The following MSN variants were observed in gnomAD, a reference collection of about 807,000 sequenced individuals.
The protein encoded by MSN is moesin.
A neutral mutation model predicts 48.0 loss-of-function variants in MSN; 2 were observed. The ratio of observed to expected loss-of-function variants is 0.04; its 90% CI spans 0.02 to 0.13. MSN has a LOEUF of 0.13. MSN is among the 10% of genes least tolerant of loss of function. MSN has a pLI of 1.00. For synonymous variants in MSN, 146 were observed against 166.9 expected, an observed-to-expected ratio of 0.87 and a Z score of 0.97; for missense variants, 267 against 470.1, an observed-to-expected ratio of 0.57 and a Z score of 3.99.
At chrX:65,727,207 C>T (rs925605853) in intron 2 of MSN, among the ~76,000 whole-genome samples, 2 of 111,875 alleles carry the variant, frequency 1.8e-5, no homozygotes, top group Non-Finnish European at 3.8e-5. Context: ...GTAAATGGAA[C>T]TCAGTCTTAA....
intron 1 of MSN, among the ~76,000 whole-genome samples, chrX:65,709,108 C>T (rs1328830175): frequency 1.8e-5 from 2 of 112,235 alleles, no homozygotes; most frequent in Admixed American, 9.5e-5. Context: ...TGTAGTGATG[C>T]AGTAAACACG....
rs553041512 is a variant in MSN at position 65,695,739 on chromosome X, T to A, written c.13-21079T>A. ...GTCTTCAGGGATTTCTGTCTCTGATTGTGGCCCATCTCCCCCAAATCTATG... is the reference window on the plus strand; with the variant it reads ...GTCTTCAGGGATTTCTGTCTCTGATAGTGGCCCATCTCCCCCAAATCTATG... On this transcript the variant is annotated intron_variant, in intron 1 of 12. Coordinates refer to ENST00000360270, the MANE Select transcript of MSN (RefSeq NM_002444.3). Among the ~76,000 whole-genome samples the A allele has an allele frequency of 3.6e-4, 40 of 110,685 alleles. No individual in the cohort carries two copies. The East Asian group carries it at 4.5e-3, about 13-fold the overall frequency.
At chrX:65,593,027 A>C (rs1320726266) in intron 1 of MSN, among the ~76,000 whole-genome samples, 1 of 111,602 alleles carries the variant, frequency 9.0e-6, no homozygotes, top group Non-Finnish European at 1.9e-5. Context: ...GGAGACAGAG[A>C]GGGACTCCAT....
chrX:65,667,611 C>T, upstream of MSN: 2 of 948,900 alleles, frequency 2.1e-6, no homozygotes, highest in South Asian at 9.0e-5. Context: ...GGGAGCGGCG[C>T]GGAAGCCGGG....
chrX:65,590,598 C>CA (rs1032452828), intron 1 of MSN, among the ~76,000 whole-genome samples: 13 of 111,471 alleles, frequency 1.2e-4, no homozygotes, highest in Non-Finnish European at 1.5e-4. Context: ...GGGCATCCCT[C>CA]AAAAAGGGAA....
chrX:65,621,377 A>G (rs767822346), intron 1 of MSN, among the ~76,000 whole-genome samples: 4 of 112,292 alleles, frequency 3.6e-5, no homozygotes, highest in Non-Finnish European at 7.5e-5. Flanking sequence ...TCTTTCCCCC[A>G]GTGAATGGTT....
At chrX:65,737,521 G>T (rs1431141810) in intron 10 of MSN, among the ~76,000 whole-genome samples, 183 bp downstream of exon 10, 2 of 112,206 alleles carry the variant, frequency 1.8e-5, no homozygotes, top group African/African-American at 3.2e-5. Context: ...AGAAATTTTT[G>T]CAGTCTTCCC....
At chrX:65,698,827 G>C (rs1000170588) in intron 1 of MSN, among the ~76,000 whole-genome samples, 6 of 112,090 alleles carry the variant, frequency 5.4e-5, no homozygotes, top group Non-Finnish European at 1.1e-4. Flanking sequence ...GGAATAGCTG[G>C]ACACTTTTTT....
At chrX:65,727,762 A>G in intron 2 of MSN, 52 bp from the exon 3 acceptor site, 1 of 1,029,064 alleles carries the variant, frequency 9.7e-7, no homozygotes, top group East Asian at 3.0e-5. Context: ...TCTGTGCCTC[A>G]CACAGAGGAA....
At chrX:65,602,316 A>C (rs753826207) in intron 1 of MSN, among the ~76,000 whole-genome samples, 9 of 111,477 alleles carry the variant, frequency 8.1e-5, no homozygotes, top group African/African-American at 2.6e-4. Flanking sequence ...GATGTCCTCC[A>C]TCTGTTTCCA....
At chrX:65,720,450 T>C (rs970376409) in intron 2 of MSN, among the ~76,000 whole-genome samples, 1 of 111,606 alleles carries the variant, frequency 9.0e-6, no homozygotes. Flanking sequence ...GGTGAGAAAA[T>C]ACAGGGAAAA....
At chrX:65,619,646 G>A (rs1171008699) in intron 1 of MSN, among the ~76,000 whole-genome samples, 1 of 104,906 alleles carries the variant, frequency 9.5e-6, no homozygotes, top group African/African-American at 3.9e-5. Context: ...CTTTGCCTTT[G>A]GTTTGAATGT....
chrX:65,635,047 C>A (rs1411300018), intron 1 of MSN, among the ~76,000 whole-genome samples: 1 of 111,930 alleles, frequency 8.9e-6, no homozygotes, highest in Non-Finnish European at 1.9e-5. Flanking sequence ...CTCCTACTCT[C>A]CCTTTTCCTC....
At chrX:65,613,917 T>G (rs2070343630) in intron 1 of MSN, among the ~76,000 whole-genome samples, 3 of 112,195 alleles carry the variant, frequency 2.7e-5, no homozygotes, top group Non-Finnish European at 5.6e-5. Context: ...TGCAATTGCT[T>G]TTGGTGTTTT....
Position 65,651,328 on chromosome X carries a change from A to G in MSN, c.-22+62716A>G, listed in dbSNP as rs891470933. On this transcript the variant is annotated intron_variant, in intron 1 of 3. Transcript: ENST00000609672. ...GTGAGACTCTATCTAAAAAAAAAAA[A>G]AAAGAAAGAAAGAAAGAAAATAAAA... Among the ~76,000 whole-genome samples, 37 of 107,737 alleles carry G rather than the reference A, an allele frequency of 3.4e-4. 1 individual carries two copies. The highest frequency in any genetic ancestry group is 2.8e-3 in the South Asian group (7 of 2,506). The allele number at this position is 107,737 out of a possible 115,157, so 93.6% of individuals were successfully genotyped here.
At chrX:65,715,812 T>C (rs1440257214) in intron 1 of MSN, among the ~76,000 whole-genome samples, 1 of 111,904 alleles carries the variant, frequency 8.9e-6, no homozygotes, top group Non-Finnish European at 1.9e-5. Context: ...TTGGTTGCCC[T>C]CTATTTCTTT....
At chrX:65,678,766 G>A (rs1032876277) in intron 1 of MSN, among the ~76,000 whole-genome samples, 1 of 111,759 alleles carries the variant, frequency 8.9e-6, no homozygotes, top group African/African-American at 3.3e-5. Context: ...ATGGAAAGAA[G>A]AGTGAGATAT....
At position 65,738,542 on chromosome X, in the gene MSN, G is replaced by C. The variant is rs1394870501; in HGVS notation, c.1269G>C (p.Glu423Asp). ...TQEQLALEMA[E>D]LTARISQLEM... is the part of the protein sequence containing the mutation. ...ATCCGTAGGCCTTGGAAATGGCAGAGCTGACAGCTCGAATCTCCCAGCTGG... is the reference window on the plus strand; with the variant it reads ...ATCCGTAGGCCTTGGAAATGGCAGACCTGACAGCTCGAATCTCCCAGCTGG... The change falls in exon 11 of 13, where the codon GAG becomes GAC. Residue 423 changes from glutamate (E) to aspartate (D), a missense_variant. Glu to Asp is a conservative substitution (Grantham distance 45). Coordinates refer to ENST00000360270, the MANE Select transcript of MSN (RefSeq NM_002444.3). 4.1e-6 allele frequency: 5 copies of C among 1,206,359 alleles called. No homozygotes were observed. Among genetic ancestry groups the C allele is most frequent in the Non-Finnish European group, 5.6e-6 (5 of 893,352 alleles).
At chrX:65,642,984 A>T (rs1479008751) in intron 1 of MSN, among the ~76,000 whole-genome samples, 3 of 108,661 alleles carry the variant, frequency 2.8e-5, no homozygotes, top group African/African-American at 1.0e-4. Flanking sequence ...ACCCCATCCC[A>T]CTCGCTTCTC....
Sources: allele counts gnomAD v4.1 joint callset (sites outside exome capture counted in the v4.1 genomes callset), GRCh38; gene constraint gnomAD v4.1.1; transcripts MANE v1.5; gene names NCBI Gene and HGNC (gene_info 2026-07-23, HGNC 2026-07-21).